CAMKMT: variants seen among roughly 807,000 people sequenced by gnomAD.
The protein encoded by CAMKMT is CaM KMT.
In CAMKMT, 53 loss-of-function variants were observed where a neutral mutation model predicts 48.0. That is an observed-to-expected ratio of 1.10 (90% CI 0.89 to 1.39). The LOEUF (loss-of-function observed/expected upper bound fraction) is 1.39, where lower values mean the gene tolerates loss of function less well. CAMKMT is among the 40% of genes most tolerant of loss of function. The pLI, the probability that CAMKMT is intolerant of heterozygous loss-of-function variation, is 0.00. For missense variants in CAMKMT, 428 were observed against 402.7 expected (o/e 1.06, Z -0.54); for synonymous variants, 165 against 152.3 (o/e 1.08, Z -0.61).
intron 3 of CAMKMT, among the ~76,000 whole-genome samples, chr2:44,409,087 A>G (rs1243780591): frequency 2.6e-3 from 2 of 760 alleles, no homozygotes; most frequent in Non-Finnish European, 3.5e-3. Flanking sequence ...GCCGATATAT[A>G]TATATATATA....
chr2:44,596,185 A>C (rs988453812), intron 3 of CAMKMT, among the ~76,000 whole-genome samples: 1 of 152,084 alleles, frequency 6.6e-6, no homozygotes. Flanking sequence ...ACAGTGGCTC[A>C]CACCTGTAAT....
At chr2:44,650,322 G>A (rs980197376) in intron 3 of CAMKMT, among the ~76,000 whole-genome samples, 7 of 151,994 alleles carry the variant, frequency 4.6e-5, no homozygotes, top group African/African-American at 1.5e-4. Context: ...TCACGTGGCC[G>A]GTCATATTGG....
chr2:44,384,854 A>G, intron 2 of CAMKMT, among the ~76,000 whole-genome samples: 1 of 152,096 alleles, frequency 6.6e-6, no homozygotes, highest in East Asian at 1.9e-4. Context: ...TTATTTTTAT[A>G]TCAGTACCAC....
At chr2:44,531,077 A>C (rs1415849810) in intron 3 of CAMKMT, among the ~76,000 whole-genome samples, 31 of 151,972 alleles carry the variant, frequency 2.0e-4, no homozygotes. Context: ...TGAAAATCTC[A>C]TTTTCTAGTC....
intron 3 of CAMKMT, among the ~76,000 whole-genome samples, chr2:44,409,017 C>T (rs571902235): frequency 9.9e-5 from 15 of 151,114 alleles, no homozygotes; most frequent in African/African-American, 3.6e-4. Flanking sequence ...GTCAGGATTA[C>T]AGGCATGAGC....
chr2:44,767,870 G>T (rs1380357707), intron 10 of CAMKMT, among the ~76,000 whole-genome samples: 2 of 152,198 alleles, frequency 1.3e-5, no homozygotes, highest in African/African-American at 2.4e-5. Context: ...GCTGACAGCT[G>T]CTTCAATGTC....
chr2:44,540,033 G>C (rs901003512), intron 3 of CAMKMT, among the ~76,000 whole-genome samples: 1 of 151,980 alleles, frequency 6.6e-6, no homozygotes, highest in Non-Finnish European at 1.5e-5. Flanking sequence ...AGCATACATT[G>C]ACAAATAATC....
intron 3 of CAMKMT, among the ~76,000 whole-genome samples, chr2:44,558,375 C>A (rs539115775): frequency 1.8e-4 from 28 of 152,200 alleles, no homozygotes; most frequent in African/African-American, 6.7e-4. Context: ...TTGCATTGCC[C>A]CAGTTTCCTT....
intron 3 of CAMKMT, among the ~76,000 whole-genome samples, chr2:44,519,498 G>C (rs1371647289): frequency 6.6e-6 from 1 of 152,198 alleles, no homozygotes; most frequent in East Asian, 1.9e-4. Context: ...TTTTTGTTAA[G>C]TACCTCTCCC....
At chr2:44,684,431 G>A (rs1676215972) in intron 3 of CAMKMT, among the ~76,000 whole-genome samples, 1 of 151,660 alleles carries the variant, frequency 6.6e-6, no homozygotes, top group African/African-American at 2.4e-5. Flanking sequence ...GATTCTAAGA[G>A]AAAACAATTT....
At chr2:44,755,858 G>C (rs1680352590) in intron 9 of CAMKMT, among the ~76,000 whole-genome samples, 1 of 152,284 alleles carries the variant, frequency 6.6e-6, no homozygotes, top group East Asian at 1.9e-4. Context: ...CCCTAGGGGA[G>C]GTGGCACTTA....
At chr2:44,496,520 C>G (rs184414627) in intron 3 of CAMKMT, among the ~76,000 whole-genome samples, 107 of 152,308 alleles carry the variant, frequency 7.0e-4, no homozygotes, top group East Asian at 1.5e-3. Flanking sequence ...AGAGCCCATC[C>G]TTGTAGGTGA....
chr2:44,648,474 C>T (rs1010935374), intron 3 of CAMKMT, among the ~76,000 whole-genome samples: 7 of 152,182 alleles, frequency 4.6e-5, no homozygotes, highest in African/African-American at 1.4e-4. Flanking sequence ...TGGCATTCTT[C>T]AAACATTTGA....
At chr2:44,685,569 T>C (rs1318274586) in intron 3 of CAMKMT, among the ~76,000 whole-genome samples, 1 of 152,110 alleles carries the variant, frequency 6.6e-6, no homozygotes, top group Non-Finnish European at 1.5e-5. Flanking sequence ...TCTAGAAGCA[T>C]TATGCTCAGC....
At chr2:44,407,477 C>G (rs1221682525) in intron 3 of CAMKMT, among the ~76,000 whole-genome samples, 1 of 152,086 alleles carries the variant, frequency 6.6e-6, no homozygotes, top group Non-Finnish European at 1.5e-5. Flanking sequence ...GGTTTTCTCC[C>G]CTTTCACAGC....
intron 3 of CAMKMT, among the ~76,000 whole-genome samples, chr2:44,449,176 C>A (rs1052257762): frequency 6.6e-6 from 1 of 152,104 alleles, no homozygotes; most frequent in Non-Finnish European, 1.5e-5. Context: ...TCAATCAGAT[C>A]GTTTTCCAAG....
chr2:44,512,789 T>C (rs1485066234), intron 3 of CAMKMT, among the ~76,000 whole-genome samples: 2 of 152,188 alleles, frequency 1.3e-5, no homozygotes, highest in Non-Finnish European at 2.9e-5. Flanking sequence ...TTTTATTTGA[T>C]TTATATTTTC....
chr2:44,362,037 C>G lies in CAMKMT; in HGVS notation c.30C>G (p.Thr10=). ...AGTCGCGAGTCGCGGACGCTGGGAC[C>G]GGCGAGACCGCGCGAGCAGCGGGCG... MESRVADAG[T]GETARAAGGS... Residue 10 remains threonine, a synonymous_variant, in exon 1 of 11, where the codon ACC becomes ACG. Coordinates refer to ENST00000378494, the MANE Select transcript of CAMKMT (RefSeq NM_024766.5). The G allele has an allele frequency of 1.4e-6, 2 of 1,424,146 alleles. No homozygotes were observed. The highest frequency in any genetic ancestry group is 3.0e-5 in the South Asian group (2 of 67,760). The allele number at this position is 1,424,146 out of a possible 1,614,324, so 88.2% of individuals were successfully genotyped here. A position where few individuals can be genotyped will look rare whatever the true frequency, so the allele number is the denominator to read the frequency against.
intron 3 of CAMKMT, among the ~76,000 whole-genome samples, chr2:44,552,261 A>G (rs1202377316): frequency 2.0e-5 from 3 of 152,156 alleles, no homozygotes; most frequent in East Asian, 1.9e-4. Context: ...GTGATACACA[A>G]TGATATTTCG....
Sources: gnomAD v4.1 joint callset for allele counts (sites outside exome capture counted in the v4.1 genomes callset) on GRCh38, gnomAD v4.1.1 for gene constraint, MANE v1.5 for transcripts, NCBI Gene and HGNC (gene_info 2026-07-23, HGNC 2026-07-21) for gene names.